Variants in NPL observed in about 807,000 individuals in gnomAD.
NPL encodes the protein N-acetylneuraminate pyruvate lyase.
NPL carries 32 observed loss-of-function variants against 41.1 expected under a neutral mutation model. The ratio of observed to expected loss-of-function variants is 0.78; its 90% CI spans 0.59 to 1.05. The LOEUF is 1.05. NPL is among the 50% of genes least tolerant of loss of function. The pLI, the probability that NPL is intolerant of heterozygous loss-of-function variation, is 0.00. For missense variants in NPL, 321 were observed against 378.4 expected, an observed-to-expected ratio of 0.85 and a Z score of 1.26; for synonymous variants, 128 against 134.9, an observed-to-expected ratio of 0.95 and a Z score of 0.35.
intron 3 of NPL, among the ~76,000 whole-genome samples, chr1:182,799,732 C>CAAAAAAAAAAAA: frequency 3.3e-5 from 2 of 61,218 alleles, no homozygotes; most frequent in Non-Finnish European, 7.1e-5. Flanking sequence ...ACCCTGTCTC[C>CAAAAAAAAAAAA]AAAAAAAAAA....
chr1:182,827,838 G>C (rs569646963), intron 12 of NPL, among the ~76,000 whole-genome samples: 2 of 152,284 alleles, frequency 1.3e-5, no homozygotes, highest in South Asian at 4.1e-4. Context: ...CATGTTCAGA[G>C]ACTGTTGTTT....
intron 2 of NPL, 105 bp from the exon 3 acceptor site, chr1:182,794,251 T>C (rs1666594978): frequency 1.0e-6 from 1 of 982,782 alleles, no homozygotes; most frequent in African/African-American, 1.6e-5. Flanking sequence ...GTTTGTGTAC[T>C]TGTAAGCACA....
chr1:182,806,110 C>T (rs774625720), intron 4 of NPL, 35 bp from the exon 5 acceptor site: 13 of 1,613,632 alleles, frequency 8.1e-6, no homozygotes, highest in Non-Finnish European at 1.0e-5. Context: ...CAGAGGTGCT[C>T]CTTGGTCCTG....
At chr1:182,799,882 C>G (rs1666786276) in intron 3 of NPL, among the ~76,000 whole-genome samples, 1 of 152,168 alleles carries the variant, frequency 6.6e-6, no homozygotes, top group African/African-American at 2.4e-5. Flanking sequence ...GGGTCACTCT[C>G]CCCTGATGTG....
chr1:182,794,146 G>A (rs140270524), intron 2 of NPL, among the ~76,000 whole-genome samples: 6 of 152,268 alleles, frequency 3.9e-5, no homozygotes, highest in East Asian at 1.9e-4. Context: ...GACTGTCCAC[G>A]TAGTATTTTC....
chr1:182,814,910 G>A lies in NPL; in HGVS notation c.364+52G>A, dbSNP rs1184830106. ...CATCTCACATGGTCCACTTCTTCTT[G>A]CCTCCATTCAAAATGGTTATATTTA... On this transcript the variant is annotated intron_variant, in intron 7 of 12. Transcript: ENST00000367553. The A allele has an allele frequency of 2.1e-6, 3 of 1,402,916 alleles. No homozygotes were observed. The East Asian group carries it at 6.8e-5, about 32-fold the overall frequency. 86.9% of individuals were successfully genotyped at this position (1,402,916 alleles called of 1,614,324 possible).
intron 12 of NPL, 152 bp downstream of exon 12, chr1:182,825,972 A>G (rs1667621136): frequency 2.7e-6 from 2 of 740,718 alleles, no homozygotes; most frequent in African/African-American, 3.5e-5. Context: ...GGGGCCAACC[A>G]TATAAAACTG....
At position 182,803,703 on chromosome 1, in the gene NPL, T is replaced by C; in HGVS notation, c.74T>C (p.Ile25Thr). ...TTTTTCCACATGTCTTCTAGAGAAA[T>C]CAACTTTTCAGTAATTGGTCAGTAT... ...TITPMTENGEINFSVIGQYVD... is the reference protein window; with the variant it reads ...TITPMTENGETNFSVIGQYVD... Residue 25 changes from isoleucine to threonine, a missense_variant, in exon 4 of 13, where the codon ATC becomes ACC. Ile to Thr is a moderately conservative substitution (Grantham distance 89, BLOSUM62 -1). Transcript: ENST00000367553. The C allele has an allele frequency of 1.2e-6, 2 of 1,610,180 alleles. No homozygotes were observed. Among genetic ancestry groups the C allele is most frequent in the South Asian group, 1.1e-5 (1 of 91,004 alleles).
chr1:182,802,058 C>T (rs985646496), intron 3 of NPL, among the ~76,000 whole-genome samples: 3 of 152,154 alleles, frequency 2.0e-5, no homozygotes, highest in Admixed American at 6.5e-5. Flanking sequence ...AAATATTATG[C>T]AAGCGTGGTG....
chr1:182,814,753 T>A, intron 6 of NPL, 30 bp from the exon 7 acceptor site: 2 of 1,588,894 alleles, frequency 1.3e-6, no homozygotes, highest in South Asian at 1.1e-5. Flanking sequence ...AATCACTTGC[T>A]CCAATATGGT....
At position 182,816,752 on chromosome 1, in the gene NPL, G is replaced by A. The variant is rs533783493; in HGVS notation, c.403G>A (p.Ala135Thr). The A allele has an allele frequency of 8.7e-6, 14 of 1,612,684 alleles. No individual in the cohort carries two copies. The highest frequency in any genetic ancestry group is 7.7e-5 in the South Asian group (7 of 91,074). The change falls in exon 8 of 13, where the codon GCC (alanine) becomes ACC (threonine). Residue 135 changes from alanine (A) to threonine (T), a missense_variant. Ala to Thr is a moderately conservative substitution (Grantham distance 58). Transcript: ENST00000367553. Reference sequence around the variant, plus strand: ...TTTCCTAAAGGAAGTGGCTGCTGCCGCCCCTGCCCTGCCATTTTATTACTA... The same window carrying A: ...TTTCCTAAAGGAAGTGGCTGCTGCCACCCCTGCCCTGCCATTTTATTACTA... ...INFLKEVAAA[A>T]PALPFYYYHI... is the part of the protein sequence containing the mutation.
At chr1:182,804,470 GC>G (rs1278856909) in intron 4 of NPL, among the ~76,000 whole-genome samples, 1 of 152,120 alleles carries the variant, frequency 6.6e-6, no homozygotes, top group Non-Finnish European at 1.5e-5. Flanking sequence ...TCTTCCCCTG[GC>G]CTTTCAAATT....
Position 182,829,927 on chromosome 1 carries a change from G to T in NPL, c.*1019G>T. ...TCCCTTCTAACAAACCTTGATATAA[G>T]CTTTCTGATATCAAAGTATATTGAC... On this transcript the variant is annotated 3_prime_UTR_variant, in exon 13 of 13. Coordinates refer to ENST00000367553, the MANE Select transcript of NPL (RefSeq NM_030769.3). The T allele has an allele frequency of 2.9e-6, 1 of 339,118 alleles. No individual in the cohort carries two copies. The highest frequency in any genetic ancestry group is 5.4e-6 in the Non-Finnish European group (1 of 185,350). The allele number at this position is 339,118 out of a possible 1,614,324, so 21.0% of individuals were successfully genotyped here.
intron 8 of NPL, 22 bp downstream of exon 8, chr1:182,816,828 C>G (rs752374974): frequency 6.5e-7 from 1 of 1,549,494 alleles, no homozygotes; most frequent in Non-Finnish European, 8.9e-7. Context: ...TTCTGTTGAT[C>G]TTTCTTTCCT....
At chr1:182,818,944 T>C in intron 10 of NPL, 85 bp downstream of exon 10, 1 of 1,114,902 alleles carries the variant, frequency 9.0e-7, no homozygotes. Context: ...CTTGCATGTG[T>C]ATCCTTTCTA....
intron 11 of NPL, among the ~76,000 whole-genome samples, 156 bp downstream of exon 11, chr1:182,822,355 C>G (rs1667512575): frequency 6.6e-6 from 1 of 152,134 alleles, no homozygotes; most frequent in Non-Finnish European, 1.5e-5. Flanking sequence ...TGTTTAAAAC[C>G]AAAGCTGTCC....
At chr1:182,798,667 C>T (rs1666745670) in intron 3 of NPL, among the ~76,000 whole-genome samples, 1 of 152,172 alleles carries the variant, frequency 6.6e-6, no homozygotes, top group African/African-American at 2.4e-5. Flanking sequence ...TTGGCATCAC[C>T]CTGGGGAATC....
intron 3 of NPL, among the ~76,000 whole-genome samples, chr1:182,797,532 C>T (rs1440589932): frequency 6.6e-6 from 1 of 152,198 alleles, no homozygotes; most frequent in Non-Finnish European, 1.5e-5. Flanking sequence ...TTCTTTGTCA[C>T]CATACCTCTT....
chr1:182,816,850 C>G (rs1176231207), intron 8 of NPL, 44 bp downstream of exon 8: 4 of 1,449,946 alleles, frequency 2.8e-6, no homozygotes, highest in Non-Finnish European at 2.9e-6. Flanking sequence ...CCAACTCTCA[C>G]ATCTTACCCT....
Sources: gnomAD v4.1 joint callset for allele counts (sites outside exome capture counted in the v4.1 genomes callset) on GRCh38, gnomAD v4.1.1 for gene constraint, MANE v1.5 for transcripts, NCBI Gene and HGNC (gene_info 2026-07-23, HGNC 2026-07-21) for gene names.